The following CTNNA2 variants were observed in gnomAD, a reference collection of about 807,000 sequenced individuals.
The protein encoded by CTNNA2 is catenin alpha-2.
Under a neutral mutation model 101.0 loss-of-function variants are expected in CTNNA2, and 42 were observed. The ratio of observed to expected loss-of-function variants is 0.42; its 90% CI spans 0.32 to 0.54. The LOEUF (loss-of-function observed/expected upper bound fraction) is 0.54. Ranked by LOEUF, CTNNA2 falls within the 20% of genes least tolerant of loss-of-function variation. CTNNA2 has a pLI of 0.14. For synonymous variants in CTNNA2, 450 were observed against 456.4 expected, an observed-to-expected ratio of 0.99 and a Z score of 0.18; for missense variants, 871 against 1,223.1, an observed-to-expected ratio of 0.71 and a Z score of 4.29.
intron 7 of CTNNA2, among the ~76,000 whole-genome samples, chr2:80,274,566 A>G (rs943866911): frequency 3.9e-5 from 6 of 152,200 alleles, no homozygotes; most frequent in African/African-American, 1.4e-4. Flanking sequence ...GCTTCCAGAA[A>G]TATCTTCCTA....
At chr2:79,586,725 A>G (rs1447074254) in intron 1 of CTNNA2, among the ~76,000 whole-genome samples, 1 of 152,064 alleles carries the variant, frequency 6.6e-6, no homozygotes, top group Non-Finnish European at 1.5e-5. Flanking sequence ...TTGTTACATG[A>G]ACAAGTTCTT....
At chr2:79,940,203 T>C (rs72918695) in intron 7 of CTNNA2, among the ~76,000 whole-genome samples, 3,396 of 152,334 alleles carry the variant, frequency 0.022, 133 homozygotes, top group African/African-American at 0.077. Context: ...TACTTTGTAT[T>C]GTTTTAGTAT....
At chr2:80,638,766 A>C (rs2149848159) in intron 18 of CTNNA2, among the ~76,000 whole-genome samples, 1 of 152,358 alleles carries the variant, frequency 6.6e-6, no homozygotes, top group East Asian at 1.9e-4. Context: ...ACAGTTAATC[A>C]GTGGACTGGC....
chr2:80,394,580 A>C (rs146106626), intron 8 of CTNNA2, among the ~76,000 whole-genome samples: 2 of 152,274 alleles, frequency 1.3e-5, no homozygotes, highest in African/African-American at 4.8e-5. Context: ...TCATCTCTAC[A>C]TATCCCCATT....
At chr2:79,914,936 T>C (rs1208994123) in intron 7 of CTNNA2, among the ~76,000 whole-genome samples, 1 of 151,866 alleles carries the variant, frequency 6.6e-6, no homozygotes, top group Non-Finnish European at 1.5e-5. Flanking sequence ...ATAGCCTTTG[T>C]TAGAGAGTAG....
chr2:79,530,754 T>A (rs1672688315), intron 1 of CTNNA2, among the ~76,000 whole-genome samples: 1 of 152,082 alleles, frequency 6.6e-6, no homozygotes, highest in African/African-American at 2.4e-5. Context: ...AATTAGATGT[T>A]GTATGTTTCC....
intron 4 of CTNNA2, among the ~76,000 whole-genome samples, chr2:79,407,633 T>C (rs1453559710): frequency 2.0e-5 from 3 of 151,952 alleles, no homozygotes; most frequent in East Asian, 1.9e-4. Context: ...GAGGGCAGAA[T>C]AGACCTTCCT....
At chr2:79,972,646 TGTG>T (rs1325543150) in intron 7 of CTNNA2, among the ~76,000 whole-genome samples, 5 of 152,146 alleles carry the variant, frequency 3.3e-5, no homozygotes, top group Non-Finnish European at 7.3e-5. Context: ...TCTGGATTAA[TGTG>T]GTGGTTTATT....
chr2:80,202,688 A>G (rs1707279166), intron 7 of CTNNA2, among the ~76,000 whole-genome samples: 1 of 152,108 alleles, frequency 6.6e-6, no homozygotes, highest in Non-Finnish European at 1.5e-5. Context: ...TAATCAAACC[A>G]GCCATAAACT....
Position 79,874,302 on chromosome 2 carries a change from C to T in CTNNA2, c.812C>T (p.Thr271Met), listed in dbSNP as rs371923353. ...CCCACTGACGAAGCCAAGGGCCACA[C>T]GGGCATCGGCGAGCTGGCTGCGGCT... ...TSPTDEAKGH[T>M]GIGELAAALN... Residue 271 changes from threonine to methionine, a missense_variant, in exon 6 of 19, where the codon ACG becomes ATG. Physicochemically the swap from Thr to Met is moderately conservative, Grantham distance 81 (BLOSUM62 -1). Around this residue, in one of 5 missense-constraint regions of CTNNA2, gnomAD observed 647 missense variants for 831.5 expected, o/e 0.78. Coordinates refer to ENST00000402739, the MANE Select transcript of CTNNA2 (RefSeq NM_001282597.3). The T allele has an allele frequency of 1.5e-5, 24 of 1,613,814 alleles. No homozygotes were observed. Among genetic ancestry groups the T allele is most frequent in the Non-Finnish European group, 2.0e-5 (24 of 1,180,022 alleles).
At position 80,186,355 on chromosome 2, in the gene CTNNA2, C is replaced by G. The variant is rs116721989; in HGVS notation, c.1057-206856C>G. Among the ~76,000 whole-genome samples, 795 of 152,238 alleles carry G rather than the reference C, an allele frequency of 5.2e-3. 7 individuals carry two copies. The highest frequency in any genetic ancestry group is 0.019 in the African/African-American group (774 of 41,542). On this transcript the variant is annotated intron_variant, in intron 7 of 18. Coordinates refer to ENST00000402739, the MANE Select transcript of CTNNA2 (RefSeq NM_001282597.3). ...CTTCTTGTTTGGATCTTTAATGGCC[C>G]ATGTGATTTGTCCTTCTCAGACAGA...
chr2:80,382,303 AG>A (rs1356757514), intron 7 of CTNNA2, among the ~76,000 whole-genome samples: 1 of 152,236 alleles, frequency 6.6e-6, no homozygotes, highest in Non-Finnish European at 1.5e-5. Context: ...TTCAGTTTCA[AG>A]GAAATGTAAT....
At chr2:80,451,005 T>G (rs1358638069) in intron 9 of CTNNA2, among the ~76,000 whole-genome samples, 1 of 152,050 alleles carries the variant, frequency 6.6e-6, no homozygotes, top group Non-Finnish European at 1.5e-5. Flanking sequence ...TACTTTTCCC[T>G]GTCTCATTTT....
chr2:79,867,199 G>T (rs1017326708), intron 4 of CTNNA2, among the ~76,000 whole-genome samples: 1 of 152,086 alleles, frequency 6.6e-6, no homozygotes, highest in South Asian at 2.1e-4. Context: ...GCCCAGAAAG[G>T]ACAAAAGATC....
At chr2:80,484,781 C>A (rs188760625) in intron 9 of CTNNA2, among the ~76,000 whole-genome samples, 10 of 152,184 alleles carry the variant, frequency 6.6e-5, no homozygotes, top group East Asian at 5.8e-4. Context: ...CCAAGGCGGG[C>A]GGATCACTAG....
At chr2:79,266,571 A>G (rs942849422) in intron 2 of CTNNA2, among the ~76,000 whole-genome samples, 1 of 152,180 alleles carries the variant, frequency 6.6e-6, no homozygotes. Flanking sequence ...TAATTCCAGG[A>G]AGGGATTTTC....
chr2:80,605,328 C>T (rs1697909928), intron 16 of CTNNA2: 1 of 151,906 alleles, frequency 6.6e-6, no homozygotes, highest in Admixed American at 6.6e-5. Flanking sequence ...TAGTGATTTA[C>T]AGTTTGAACC....
At chr2:79,806,614 C>T (rs1676595088) in intron 3 of CTNNA2, among the ~76,000 whole-genome samples, 1 of 151,980 alleles carries the variant, frequency 6.6e-6, no homozygotes, top group Non-Finnish European at 1.5e-5. Context: ...ACTACCTCCT[C>T]CCATGTTCTC....
intron 7 of CTNNA2, among the ~76,000 whole-genome samples, chr2:80,217,762 G>A (rs996387854): frequency 6.6e-6 from 1 of 152,166 alleles, no homozygotes; most frequent in Non-Finnish European, 1.5e-5. Context: ...CAGGCTAGTA[G>A]CAGATAATAG....
Sources: gnomAD v4.1 joint callset for allele counts (sites outside exome capture counted in the v4.1 genomes callset) on GRCh38, gnomAD v4.1.1 for gene constraint, gnomAD v4.1.1 regional missense constraint, MANE v1.5 for transcripts, NCBI Gene and HGNC (gene_info 2026-07-23, HGNC 2026-07-21) for gene names.